The following TTC32 variants were observed in gnomAD, a reference collection of about 807,000 sequenced individuals.
TTC32 encodes tetratricopeptide repeat domain 32, also known as tetratricopeptide repeat protein 32.
Under a neutral mutation model 15.3 loss-of-function variants are expected in TTC32, and 16 were observed. That is an observed-to-expected ratio of 1.05 (90% CI 0.71 to 1.59). The LOEUF is 1.59. TTC32 is among the 40% of genes most tolerant of loss of function. The probability of loss-of-function intolerance (pLI) is 0.00; values close to 1 mark genes in which losing one functional copy is unlikely to be tolerated. For synonymous variants in TTC32, 89 were observed against 67.8 expected (o/e 1.31, Z -1.53); for missense variants, 188 against 181.9 (o/e 1.03, Z -0.19).
Position 19,896,855 on chromosome 2 carries a change from C to T in TTC32, c.*132G>A. ...TCAACCTGAAATTAACTACCTTAAA[C>T]ACACTATTTAACTTTCAGTGCTAAT... On this transcript the variant is annotated 3_prime_UTR_variant, in exon 3 of 3. Coordinates refer to ENST00000333610, the MANE Select transcript of TTC32 (RefSeq NM_001008237.3). 1 of 816,372 alleles carries T rather than the reference C, an allele frequency of 1.2e-6. No individual in the cohort carries two copies. The highest frequency in any genetic ancestry group is 1.7e-6 in the Non-Finnish European group (1 of 572,998). The allele number at this position is 816,372 out of a possible 1,614,324, so 50.6% of individuals were successfully genotyped here. A position where few individuals can be genotyped will look rare whatever the true frequency, so the allele number is the denominator to read the frequency against.
In TTC32 at chr2:19,901,747, G is replaced by T. The variant is rs527650930; in HGVS notation, c.108C>A (p.Arg36=). Residue 36 remains arginine, a synonymous_variant, in exon 1 of 3, where the codon CGC becomes CGA. Transcript: ENST00000333610. ...EAEALYSAYI[R]RCACAASSDE... ...CGCTGGAGGCCGCGCAAGCGCACCG[G>T]CGAATGTAAGCGGAGTACAGTGCCT... is the stretch of plus-strand genomic sequence containing the variant. 1.8e-5 allele frequency: 29 copies of T among 1,613,456 alleles called. No homozygotes were observed. The highest frequency in any genetic ancestry group is 2.4e-5 in the Non-Finnish European group (28 of 1,179,640).
At chr2:19,899,072 G>A (rs1269921898) in intron 1 of TTC32, among the ~76,000 whole-genome samples, 1 of 152,214 alleles carries the variant, frequency 6.6e-6, no homozygotes, top group Non-Finnish European at 1.5e-5. Flanking sequence ...TGATCCTTGA[G>A]ATTTCAGACA....
In TTC32 at chr2:19,896,913, T is replaced by G. The variant is rs1669519066; in HGVS notation, c.*74A>C. The G allele has an allele frequency of 7.5e-7, 1 of 1,329,284 alleles. No individual in the cohort carries two copies. Among genetic ancestry groups the G allele is most frequent in the Non-Finnish European group, 1.0e-6 (1 of 978,748 alleles). 82.3% of individuals were successfully genotyped at this position (1,329,284 alleles called of 1,614,324 possible). On this transcript the variant is annotated 3_prime_UTR_variant, in exon 3 of 3. Transcript: ENST00000333610. ...TTTCTTAAATATAAATCAAAATAGC[T>G]CAATATCTAAATTACTGATAACTAG...
chr2:19,897,645 C>G (rs1669531692), intron 2 of TTC32, among the ~76,000 whole-genome samples: 1 of 152,212 alleles, frequency 6.6e-6, no homozygotes, highest in South Asian at 2.1e-4. Flanking sequence ...GTCACCCCTG[C>G]TCCTGCGCCC....
At chr2:19,899,934 G>A (rs1669574342) in intron 1 of TTC32, among the ~76,000 whole-genome samples, 1 of 152,154 alleles carries the variant, frequency 6.6e-6, no homozygotes, top group African/African-American at 2.4e-5. Context: ...TGAAATGACA[G>A]AATTCAGTTT....
intron 1 of TTC32, among the ~76,000 whole-genome samples, chr2:19,899,195 A>T (rs1669559257): frequency 6.6e-6 from 1 of 152,152 alleles, no homozygotes; most frequent in African/African-American, 2.4e-5. Flanking sequence ...CGTCTATTCT[A>T]TGAGCTGTGA....
intron 1 of TTC32, among the ~76,000 whole-genome samples, chr2:19,898,982 C>A (rs1572291648): frequency 6.6e-6 from 1 of 152,206 alleles, no homozygotes; most frequent in Non-Finnish European, 1.5e-5. Context: ...CTTTGTAATA[C>A]CCCGTAGTAA....
rs756465049 is a variant in TTC32, at chr2:19,901,691, T to A, written c.149+15A>T. ...CACCCGGGGTCGCCGCGGCCCCAGGTCTCGCGATAGTTACCTCCCGGGACT... is the reference window on the plus strand; with the variant it reads ...CACCCGGGGTCGCCGCGGCCCCAGGACTCGCGATAGTTACCTCCCGGGACT... On this transcript the variant is annotated intron_variant, in intron 1 of 2. Transcript: ENST00000333610. 2.5e-6 allele frequency: 4 copies of A among 1,605,012 alleles called. No homozygotes were observed. Among genetic ancestry groups the A allele is most frequent in the Middle Eastern group, 1.7e-4 (1 of 5,778 alleles).
chr2:19,901,023 A>T (rs766362106), intron 1 of TTC32: 4 of 465,662 alleles, frequency 8.6e-6, no homozygotes, highest in South Asian at 6.3e-5. Flanking sequence ...ACCAAAGAAC[A>T]AAACACCTTA....
Position 19,901,948 on chromosome 2 carries a change from A to G in TTC32, c.-94T>C, listed in dbSNP as rs534275788. On this transcript the variant is annotated 5_prime_UTR_variant, in exon 1 of 3. Coordinates refer to ENST00000333610, the MANE Select transcript of TTC32 (RefSeq NM_001008237.3). ...AAGCCACTTCCACACCCTGGAATCTACCTTGACAGCCAACCTTGGCGCTAG... is the reference window on the plus strand; with the variant it reads ...AAGCCACTTCCACACCCTGGAATCTGCCTTGACAGCCAACCTTGGCGCTAG... The G allele has an allele frequency of 6.8e-7, 1 of 1,475,446 alleles. No individual in the cohort carries two copies. The highest frequency in any genetic ancestry group is 2.3e-5 in the East Asian group (1 of 43,088). The allele number at this position is 1,475,446 out of a possible 1,614,324, so 91.4% of individuals were successfully genotyped here. A position where few individuals can be genotyped will look rare whatever the true frequency, so the allele number is the denominator to read the frequency against.
rs1669601118 is a variant in TTC32, at chr2:19,901,439, C to T, written c.149+267G>A. 1.0e-5 allele frequency: 4 copies of T among 396,464 alleles called. No individual in the cohort carries two copies. In the East Asian group the frequency reaches 2.0e-4, roughly 19 times the overall value. The allele number at this position is 396,464 out of a possible 1,614,324, so 24.6% of individuals were successfully genotyped here. A position where few individuals can be genotyped will look rare whatever the true frequency, so the allele number is the denominator to read the frequency against. On this transcript the variant is annotated intron_variant, in intron 1 of 2. Coordinates refer to ENST00000333610, the MANE Select transcript of TTC32 (RefSeq NM_001008237.3). ...GAGGCGGCGGCCCGCGCCCGAGGAT[C>T]GCGCAGAGGGCTTGGTTCCCGGAAA...
rs965857589 is a variant in TTC32 at position 19,896,783 on chromosome 2, T to C, written c.*204A>G. The stretch of plus-strand genomic sequence containing the variant: ...TACTATAATATTTAATATAATAATA[T>C]ACACTTATACATTGGTATTATTTAC... On this transcript the variant is annotated 3_prime_UTR_variant, in exon 3 of 3. Transcript: ENST00000333610. 1.8e-5 allele frequency: 4 copies of C among 216,344 alleles called. No individual in the cohort carries two copies. In the East Asian group the frequency reaches 4.0e-4, roughly 22 times the overall value. The allele number at this position is 216,344 out of a possible 1,614,324, so 13.4% of individuals were successfully genotyped here.
intron 2 of TTC32, 49 bp from the exon 3 acceptor site, chr2:19,897,175 C>A (rs7563410): frequency 0.1 from 155,502 of 1,548,210 alleles, 8,791 homozygotes; most frequent in South Asian, 0.21. Flanking sequence ...CCGAGTATTT[C>A]TATATATTAT....
At chr2:19,897,169 G>A in intron 2 of TTC32, 43 bp from the exon 3 acceptor site, 1 of 1,561,594 alleles carries the variant, frequency 6.4e-7, no homozygotes, top group East Asian at 2.3e-5. Flanking sequence ...AAGAAACCGA[G>A]TATTTCTATA....
At position 19,897,942 on chromosome 2, in the gene TTC32, G is replaced by A. The variant is rs190064346; in HGVS notation, c.243C>T (p.Tyr81=). The change falls in exon 2 of 3, where the codon TAC becomes TAT. Residue 81 remains tyrosine, a synonymous_variant. Transcript: ENST00000333610. Reference sequence around the variant, plus strand: ...TGGGTTGGACTTCTATGGCAGATGTGTAGTCATCCATGGCTTCATAAAAAT... The same window carrying A: ...TGGGTTGGACTTCTATGGCAGATGTATAGTCATCCATGGCTTCATAAAAAT... ...RVDFYEAMDD[Y]TSAIEVQPNF... is the part of the protein sequence containing the mutation. 1 of 1,612,888 alleles carries A rather than the reference G, an allele frequency of 6.2e-7. No homozygotes were observed. Among genetic ancestry groups the A allele is most frequent in the Admixed American group, 1.7e-5 (1 of 60,018 alleles).
chr2:19,897,836 A>C, intron 2 of TTC32, 33 bp downstream of exon 2: 1 of 1,445,582 alleles, frequency 6.9e-7, no homozygotes, highest in South Asian at 1.5e-5. Context: ...AATACAGTCA[A>C]TGACAAAACT....
chr2:19,901,635 A>G (rs1053143256), intron 1 of TTC32, 71 bp downstream of exon 1: 4 of 1,551,824 alleles, frequency 2.6e-6, no homozygotes, highest in Non-Finnish European at 3.5e-6. Flanking sequence ...AGAGGCAAAG[A>G]TAGGAGCCCA....
intron 1 of TTC32, among the ~76,000 whole-genome samples, chr2:19,899,448 T>C (rs903111699): frequency 4.0e-5 from 6 of 150,646 alleles, no homozygotes; most frequent in African/African-American, 1.5e-4. Context: ...ATATAGAGAA[T>C]CATAAAATGT....
chr2:19,898,224 C>A (rs568461274), intron 1 of TTC32, 189 bp from the exon 2 acceptor site: 8 of 510,196 alleles, frequency 1.6e-5, no homozygotes, highest in Non-Finnish European at 2.7e-5. Context: ...CTGTTATCTA[C>A]TTTTGTAGGG....
Sources: allele counts gnomAD v4.1 joint callset (sites outside exome capture counted in the v4.1 genomes callset), GRCh38; gene constraint gnomAD v4.1.1; transcripts MANE v1.5; gene names NCBI Gene and HGNC (gene_info 2026-07-23, HGNC 2026-07-21).